Variants in HDAC9 observed in about 807,000 individuals in gnomAD.
HDAC9 encodes MEF-2 interacting transcription repressor (MITR) protein.
HDAC9 carries 41 observed loss-of-function variants against 139.4 expected under a neutral mutation model. The observed-to-expected ratio is 0.29, with a 90% CI of 0.23 to 0.38. HDAC9 has a LOEUF of 0.38. Among genes scored for constraint, HDAC9 ranks in the 10% least tolerant of loss-of-function variants. The pLI is 1.00. For missense variants in HDAC9, 1,147 were observed against 1,297.0 expected, an observed-to-expected ratio of 0.88 and a Z score of 1.78; for synonymous variants, 517 against 476.2, an observed-to-expected ratio of 1.09 and a Z score of -1.12.
intron 13 of HDAC9, among the ~76,000 whole-genome samples, chr7:18,748,742 A>G (rs1233774608): frequency 6.6e-6 from 1 of 152,208 alleles, no homozygotes; most frequent in Non-Finnish European, 1.5e-5. Flanking sequence ...TTAAAATGTC[A>G]TCATCTTCAT....
intron 1 of HDAC9, among the ~76,000 whole-genome samples, chr7:18,112,001 A>C (rs549196897): frequency 2.6e-5 from 4 of 152,364 alleles, no homozygotes; most frequent in African/African-American, 7.2e-5. Context: ...TGGTTGTTAA[A>C]ATAGCCATTA....
At chr7:18,110,756 C>G (rs1783559056) in intron 1 of HDAC9, among the ~76,000 whole-genome samples, 1 of 152,050 alleles carries the variant, frequency 6.6e-6, no homozygotes, top group South Asian at 2.1e-4. Context: ...AAGACGGGGG[C>G]CAGGAGCTTG....
intron 1 of HDAC9, among the ~76,000 whole-genome samples, chr7:18,477,002 A>G (rs976756283): frequency 2.0e-5 from 3 of 152,178 alleles, no homozygotes; most frequent in Non-Finnish European, 4.4e-5. Context: ...AAGAAAAATA[A>G]TACTTACCAC....
Position 18,723,574 on chromosome 7 carries a change from A to G in HDAC9, c.1732-4006A>G, listed in dbSNP as rs182489140. The stretch of plus-strand genomic sequence containing the variant: ...TATTGCCATATTCCTTCTGGTAGAC[A>G]CTGGACAGGTAGGATGCTGCTTACT... On this transcript the variant is annotated intron_variant, in intron 12 of 25. Coordinates refer to ENST00000686413, the MANE Select transcript of HDAC9 (RefSeq NM_178425.4). 4.3e-4 allele frequency among the ~76,000 whole-genome samples: 66 copies of G among 152,308 alleles called. No homozygotes were observed. The Middle Eastern group carries it at 0.01, about 24-fold the overall frequency.
At chr7:18,947,974 A>C (rs987527844) in intron 23 of HDAC9, among the ~76,000 whole-genome samples, 1 of 152,022 alleles carries the variant, frequency 6.6e-6, no homozygotes, top group Non-Finnish European at 1.5e-5. Flanking sequence ...TAAGACAATG[A>C]GGAAGAAATA....
intron 2 of HDAC9, among the ~76,000 whole-genome samples, chr7:18,276,564 A>G (rs949559273): frequency 1.6e-4 from 24 of 152,164 alleles, no homozygotes; most frequent in Non-Finnish European, 1.6e-4. Flanking sequence ...GAATAGGGAC[A>G]TCTGTCTCTG....
intron 2 of HDAC9, among the ~76,000 whole-genome samples, chr7:18,576,389 G>C (rs1053376431): frequency 6.6e-6 from 1 of 152,014 alleles, no homozygotes; most frequent in Non-Finnish European, 1.5e-5. Context: ...GGGCCAGTCG[G>C]GCTGACTCAT....
chr7:18,292,159 C>T lies in HDAC9; in HGVS notation c.-42+1644C>T, dbSNP rs151151317. The stretch of plus-strand genomic sequence containing the variant: ...CATTTATTGAGCATTTACAATGCAC[C>T]TGGCACTGTGCTATGTGGTTTTCTT... On this transcript the variant is annotated intron_variant, in intron 1 of 3. Transcript: ENST00000413509. Among the ~76,000 whole-genome samples the T allele has an allele frequency of 5.4e-3, 816 of 152,110 alleles. 2 individuals are homozygous for T. Among genetic ancestry groups the T allele is most frequent in the Non-Finnish European group, 6.5e-3 (439 of 67,984 alleles).
intron 11 of HDAC9, among the ~76,000 whole-genome samples, chr7:18,661,817 G>T (rs1793253200): frequency 6.6e-6 from 1 of 151,782 alleles, no homozygotes. Context: ...AAGTGTAGAT[G>T]AAGCCAAAGA....
In HDAC9 at chr7:18,640,672, A is replaced by G. The variant is rs117414630; in HGVS notation, c.913-3999A>G. ...TTTTACTTTGCATCCATGAGTTTTA[A>G]TGGGATATAAATGGCACAATGTTAT... On this transcript the variant is annotated intron_variant, in intron 8 of 25. Coordinates refer to ENST00000686413, the MANE Select transcript of HDAC9 (RefSeq NM_178425.4). 5.0e-3 allele frequency among the ~76,000 whole-genome samples: 757 copies of G among 152,016 alleles called. 1 individual carries two copies. Among genetic ancestry groups the G allele is most frequent in the South Asian group, 9.8e-3 (47 of 4,820 alleles).
intron 1 of HDAC9, among the ~76,000 whole-genome samples, chr7:18,355,612 A>T (rs1783196227): frequency 6.6e-6 from 1 of 152,160 alleles, no homozygotes; most frequent in Admixed American, 6.6e-5. Context: ...ATTTTCAGAG[A>T]CATTAGAGAC....
At chr7:18,701,807 A>G (rs1355098919) in intron 12 of HDAC9, among the ~76,000 whole-genome samples, 1 of 152,258 alleles carries the variant, frequency 6.6e-6, no homozygotes, top group Admixed American at 6.5e-5. Context: ...ATGATTTCCC[A>G]TAAATTCACC....
intron 17 of HDAC9, among the ~76,000 whole-genome samples, chr7:18,809,382 C>T (rs57173432): frequency 0.018 from 2,713 of 151,902 alleles, 92 homozygotes; most frequent in African/African-American, 0.061. Flanking sequence ...AGAAAACAAT[C>T]GACAAAATTA....
intron 13 of HDAC9, among the ~76,000 whole-genome samples, chr7:18,732,470 G>GTGTA (rs1554338999): frequency 6.7e-6 from 1 of 149,338 alleles, no homozygotes; most frequent in Non-Finnish European, 1.5e-5. Flanking sequence ...TTGTATGTGT[G>GTGTA]TATATACAGT....
At chr7:18,177,643 T>C (rs576652462) in intron 2 of HDAC9, among the ~76,000 whole-genome samples, 36 of 152,314 alleles carry the variant, frequency 2.4e-4, no homozygotes, top group African/African-American at 8.4e-4. Flanking sequence ...TGACATTTGT[T>C]ACCTCTCTCA....
intron 1 of HDAC9, among the ~76,000 whole-genome samples, chr7:18,385,558 C>A (rs544312426): frequency 6.6e-6 from 1 of 152,208 alleles, no homozygotes; most frequent in South Asian, 2.1e-4. Context: ...CTTCTGTTGA[C>A]AGGAGAGTAT....
At chr7:18,128,037 A>G (rs1784779583) in intron 1 of HDAC9, among the ~76,000 whole-genome samples, 1 of 152,154 alleles carries the variant, frequency 6.6e-6, no homozygotes, top group African/African-American at 2.4e-5. Flanking sequence ...TTGAGTAACA[A>G]GAATACAGAG....
chr7:18,443,512 AGTCTT>A (rs1293787812), intron 1 of HDAC9, among the ~76,000 whole-genome samples: 1 of 152,202 alleles, frequency 6.6e-6, no homozygotes, highest in Non-Finnish European at 1.5e-5. Flanking sequence ...GTTTTTAAAA[AGTCTT>A]GTCTTTTCAA....
At chr7:18,731,436 A>G (rs970818825) in intron 13 of HDAC9, among the ~76,000 whole-genome samples, 2 of 152,140 alleles carry the variant, frequency 1.3e-5, no homozygotes, top group African/African-American at 4.8e-5. Context: ...AATGCACATC[A>G]TTTAAACCTT....
Sources: gnomAD v4.1 joint callset for allele counts (sites outside exome capture counted in the v4.1 genomes callset) on GRCh38, gnomAD v4.1.1 for gene constraint, MANE v1.5 for transcripts, NCBI Gene and HGNC (gene_info 2026-07-23, HGNC 2026-07-21) for gene names.